TRAPPC9: variants seen among roughly 807,000 people sequenced by gnomAD.
The protein encoded by TRAPPC9 is IKK2 binding protein.
A neutral mutation model predicts 124.0 loss-of-function variants in TRAPPC9; 83 were observed. That is an observed-to-expected ratio of 0.67 (90% CI 0.56 to 0.80). The LOEUF (loss-of-function observed/expected upper bound fraction) is 0.80. Ranked by LOEUF, TRAPPC9 falls within the 30% of genes least tolerant of loss-of-function variation. The pLI, the probability that TRAPPC9 is intolerant of heterozygous loss-of-function variation, is 0.00. For missense variants in TRAPPC9, 1,302 were observed against 1,508.3 expected (o/e 0.86, Z 2.27); for synonymous variants, 638 against 617.5 (o/e 1.03, Z -0.49).
At chr8:140,422,515 A>G (rs2070254603) in intron 5 of TRAPPC9, among the ~76,000 whole-genome samples, 1 of 152,156 alleles carries the variant, frequency 6.6e-6, no homozygotes, top group African/African-American at 2.4e-5. Flanking sequence ...ACACTTTGGG[A>G]GGCCGAGGTG....
intron 1 of TRAPPC9, among the ~76,000 whole-genome samples, chr8:140,457,093 A>T (rs1014324275): frequency 6.6e-6 from 1 of 152,232 alleles, no homozygotes; most frequent in Admixed American, 6.5e-5. Flanking sequence ...TCCAGGAGAC[A>T]GGAGGGAAAG....
chr8:140,071,625 G>A (rs1019434366), intron 17 of TRAPPC9, among the ~76,000 whole-genome samples: 4 of 152,134 alleles, frequency 2.6e-5, no homozygotes, highest in Non-Finnish European at 5.9e-5. Flanking sequence ...CAGTCTGCCC[G>A]TGTAGATGGG....
chr8:140,387,484 G>C (rs543675900), intron 7 of TRAPPC9, among the ~76,000 whole-genome samples: 62 of 152,100 alleles, frequency 4.1e-4, no homozygotes, highest in Non-Finnish European at 7.2e-4. Flanking sequence ...ATCTGACAAA[G>C]GGCTAATATC....
chr8:140,123,395 C>G (rs2061023468), intron 17 of TRAPPC9, among the ~76,000 whole-genome samples: 1 of 152,228 alleles, frequency 6.6e-6, no homozygotes. Context: ...GCCTCTTGCT[C>G]AAATGCAGAC....
intron 21 of TRAPPC9, chr8:139,881,122 G>T (rs1474275142): frequency 6.6e-6 from 1 of 152,208 alleles, no homozygotes; most frequent in Admixed American, 6.5e-5. Context: ...AAGAAACGAC[G>T]TGGTGCTGCA....
intron 19 of TRAPPC9, among the ~76,000 whole-genome samples, chr8:139,922,151 T>C (rs1266016849): frequency 1.3e-5 from 2 of 151,836 alleles, no homozygotes; most frequent in Non-Finnish European, 2.9e-5. Flanking sequence ...TATTTTCATT[T>C]CCTTCCAAGG....
At chr8:140,034,047 G>T (rs1840724215) in intron 17 of TRAPPC9, among the ~76,000 whole-genome samples, 1 of 152,096 alleles carries the variant, frequency 6.6e-6, no homozygotes, top group Non-Finnish European at 1.5e-5. Flanking sequence ...TTTCATTCCA[G>T]ATGGTAATAG....
chr8:140,046,471 T>C (rs1029074267), intron 17 of TRAPPC9, among the ~76,000 whole-genome samples: 3 of 152,208 alleles, frequency 2.0e-5, no homozygotes, highest in African/African-American at 7.2e-5. Context: ...TTCCTCCCTG[T>C]CTCCAGCAGC....
chr8:140,134,246 C>T (rs1365110775), intron 17 of TRAPPC9, among the ~76,000 whole-genome samples: 1 of 151,812 alleles, frequency 6.6e-6, no homozygotes, highest in Non-Finnish European at 1.5e-5. Context: ...ACTCATACTT[C>T]TATAGCCAAT....
At chr8:139,896,820 C>G (rs959692789) in intron 20 of TRAPPC9, among the ~76,000 whole-genome samples, 1 of 152,190 alleles carries the variant, frequency 6.6e-6, no homozygotes, top group African/African-American at 2.4e-5. Context: ...AGAGGGAAGC[C>G]CAGCACAGAG....
At chr8:139,979,186 C>T (rs1290644185) in intron 19 of TRAPPC9, among the ~76,000 whole-genome samples, 1 of 152,162 alleles carries the variant, frequency 6.6e-6, no homozygotes, top group Non-Finnish European at 1.5e-5. Context: ...GAAGGTTGAC[C>T]ACCACCCTGT....
At chr8:139,863,575 G>A (rs1828315853) in intron 21 of TRAPPC9, among the ~76,000 whole-genome samples, 1 of 152,242 alleles carries the variant, frequency 6.6e-6, no homozygotes, top group Non-Finnish European at 1.5e-5. Flanking sequence ...TCTACTCGCA[G>A]ATGGTGTGAG....
At chr8:140,065,586 C>T (rs761011767) in intron 17 of TRAPPC9, among the ~76,000 whole-genome samples, 3 of 152,134 alleles carry the variant, frequency 2.0e-5, no homozygotes, top group Non-Finnish European at 4.4e-5. Flanking sequence ...TCTGAAAATT[C>T]GAGGACCCCT....
chr8:139,978,155 G>A (rs1251816795), intron 19 of TRAPPC9, among the ~76,000 whole-genome samples: 1 of 152,214 alleles, frequency 6.6e-6, no homozygotes, highest in Non-Finnish European at 1.5e-5. Context: ...TGGGATGACA[G>A]GTGTGAGCCA....
chr8:140,047,232 C>T (rs1209805550), intron 17 of TRAPPC9, among the ~76,000 whole-genome samples: 3 of 152,232 alleles, frequency 2.0e-5, no homozygotes, highest in Admixed American at 2.0e-4. Flanking sequence ...ACATCACACA[C>T]GCGCACGCAC....
chr8:140,167,945 T>C (rs1290524656), intron 17 of TRAPPC9, among the ~76,000 whole-genome samples: 1 of 152,066 alleles, frequency 6.6e-6, no homozygotes, highest in Non-Finnish European at 1.5e-5. Flanking sequence ...AAATATGCAT[T>C]ATGGATAAAA....
chr8:139,923,712 A>G (rs1485742711), intron 19 of TRAPPC9, among the ~76,000 whole-genome samples: 1 of 152,182 alleles, frequency 6.6e-6, no homozygotes, highest in Non-Finnish European at 1.5e-5. Flanking sequence ...ACCTGACTCA[A>G]TGCCTCAGAC....
chr8:139,886,420 T>TACGA (rs1164610001), intron 20 of TRAPPC9, among the ~76,000 whole-genome samples: 1 of 152,220 alleles, frequency 6.6e-6, no homozygotes, highest in African/African-American at 2.4e-5. Flanking sequence ...CACATATTAT[T>TACGA]ACGAACGAAC....
intron 17 of TRAPPC9, among the ~76,000 whole-genome samples, chr8:140,081,346 C>CA (rs35254769): frequency 0.16 from 22,451 of 140,974 alleles, 2,671 homozygotes; most frequent in African/African-American, 0.31. Flanking sequence ...AAAATGAATG[C>CA]TTTTTTTTTT....
Sources: gnomAD v4.1 joint callset for allele counts (sites outside exome capture counted in the v4.1 genomes callset) on GRCh38, gnomAD v4.1.1 for gene constraint, MANE v1.5 for transcripts, NCBI Gene and HGNC (gene_info 2026-07-23, HGNC 2026-07-21) for gene names.